Variants in PTPRE observed in about 807,000 individuals in gnomAD.
PTPRE encodes protein tyrosine phosphatase receptor type E, also known as receptor-type tyrosine-protein phosphatase epsilon.
Under a neutral mutation model 102.0 loss-of-function variants are expected in PTPRE, and 51 were observed. That is an observed-to-expected ratio of 0.50 (90% confidence interval 0.40 to 0.63). The LOEUF is 0.63. Among genes scored for constraint, PTPRE ranks in the 30% least tolerant of loss-of-function variants. The pLI is 0.00. For missense variants in PTPRE, 752 were observed against 915.1 expected, an observed-to-expected ratio of 0.82 and a Z score of 2.30; for synonymous variants, 345 against 348.2, an observed-to-expected ratio of 0.99 and a Z score of 0.10.
At chr10:128,026,367 C>T (rs1187657265) in intron 2 of PTPRE, among the ~76,000 whole-genome samples, 1 of 152,252 alleles carries the variant, frequency 6.6e-6, no homozygotes, top group East Asian at 1.9e-4. Flanking sequence ...CAGTATTTAT[C>T]CCTTCCTCCT....
intron 1 of PTPRE, among the ~76,000 whole-genome samples, chr10:127,948,599 T>C (rs547461689): frequency 6.6e-6 from 1 of 152,232 alleles, no homozygotes; most frequent in African/African-American, 2.4e-5. Flanking sequence ...GTGGTTGGAA[T>C]CATATAATAT....
intron 1 of PTPRE, among the ~76,000 whole-genome samples, chr10:127,911,617 A>G (rs1589712183): frequency 6.6e-6 from 1 of 152,134 alleles, no homozygotes; most frequent in African/African-American, 2.4e-5. Flanking sequence ...CAGCTGCTGC[A>G]CTTCCGCCCG....
intron 19 of PTPRE, 64 bp from the exon 20 acceptor site, chr10:128,079,496 G>C: frequency 1.3e-6 from 2 of 1,576,074 alleles, no homozygotes; most frequent in Non-Finnish European, 1.7e-6. Context: ...TTGGCTGTCA[G>C]CTCTCCATTT....
chr10:127,979,533 G>A lies in PTPRE; in HGVS notation c.-30-2741G>A, dbSNP rs78888334. Among the ~76,000 whole-genome samples, 269 of 152,240 alleles carry A rather than the reference G, an allele frequency of 1.8e-3. 4 individuals carry two copies. In the East Asian group the frequency reaches 0.04, roughly 23 times the overall value. The stretch of plus-strand genomic sequence containing the variant: ...ATCTATTTGTAGTACAAAAATTAGC[G>A]GAATGTGGTAGTGCACACCTGTAGT... On this transcript the variant is annotated intron_variant, in intron 1 of 20. Coordinates refer to ENST00000254667, the MANE Select transcript of PTPRE (RefSeq NM_006504.6).
intron 2 of PTPRE, among the ~76,000 whole-genome samples, chr10:128,026,771 G>T (rs992058702): frequency 5.3e-5 from 8 of 152,228 alleles, no homozygotes; most frequent in African/African-American, 1.9e-4. Flanking sequence ...AACAAGCAAA[G>T]CTGTCTCCAA....
intron 19 of PTPRE, among the ~76,000 whole-genome samples, chr10:128,079,080 C>G (rs1590254946): frequency 6.6e-6 from 1 of 152,182 alleles, no homozygotes; most frequent in African/African-American, 2.4e-5. Flanking sequence ...TTGTGAATGT[C>G]CTTAAACTGC....
chr10:128,079,461 T>C, intron 19 of PTPRE, 99 bp from the exon 20 acceptor site: 1 of 1,425,810 alleles, frequency 7.0e-7, no homozygotes. Flanking sequence ...TCAGCGATTG[T>C]TGCTTCAGTG....
chr10:127,997,296 T>G (rs1433407602), intron 2 of PTPRE, among the ~76,000 whole-genome samples: 1 of 152,202 alleles, frequency 6.6e-6, no homozygotes, highest in East Asian at 1.9e-4. Flanking sequence ...ACTCTGAGTT[T>G]GCCCACAAGG....
chr10:128,052,770 G>A (rs1848652162), intron 6 of PTPRE, among the ~76,000 whole-genome samples: 2 of 152,310 alleles, frequency 1.3e-5, no homozygotes, highest in African/African-American at 4.8e-5. Flanking sequence ...TAAAAGTGCA[G>A]AGGGAGGTGT....
chr10:128,000,247 A>G (rs1853730989), intron 2 of PTPRE, among the ~76,000 whole-genome samples: 1 of 152,200 alleles, frequency 6.6e-6, no homozygotes, highest in Non-Finnish European at 1.5e-5. Flanking sequence ...TTAAATTGAT[A>G]CTTAACGTAT....
chr10:127,909,103 C>T (rs1845687764), intron 1 of PTPRE, among the ~76,000 whole-genome samples: 1 of 152,220 alleles, frequency 6.6e-6, no homozygotes. Context: ...GATGCGCTCC[C>T]TGTGTCAGCA....
intron 1 of PTPRE, among the ~76,000 whole-genome samples, chr10:127,950,135 A>G (rs1305391600): frequency 2.0e-5 from 3 of 151,940 alleles, no homozygotes; most frequent in Non-Finnish European, 2.9e-5. Flanking sequence ...GTTACACTCT[A>G]AAAGAACTAC....
chr10:128,075,442 A>C (rs1196246209), intron 17 of PTPRE, among the ~76,000 whole-genome samples: 7 of 144,676 alleles, frequency 4.8e-5, no homozygotes, highest in African/African-American at 1.0e-4. Flanking sequence ...CCCTCCCCTC[A>C]CCCTCCACCC....
chr10:127,962,334 T>G (rs1016773710), intron 1 of PTPRE, among the ~76,000 whole-genome samples: 1 of 152,166 alleles, frequency 6.6e-6, no homozygotes, highest in Non-Finnish European at 1.5e-5. Context: ...GGGGCTCCTT[T>G]CTTGTAACTC....
At chr10:127,911,116 A>G (rs778484123) in intron 1 of PTPRE, among the ~76,000 whole-genome samples, 1 of 152,212 alleles carries the variant, frequency 6.6e-6, no homozygotes, top group African/African-American at 2.4e-5. Context: ...TTGAATGAAT[A>G]CATGAACCAA....
At chr10:128,049,763 C>G (rs532462492) in intron 6 of PTPRE, 97 bp downstream of exon 6, 944 of 1,539,654 alleles carry the variant, frequency 6.1e-4, no homozygotes, top group Non-Finnish European at 7.5e-4. Flanking sequence ...AGACTCAGAA[C>G]CCTTGCATCA....
intron 1 of PTPRE, among the ~76,000 whole-genome samples, chr10:127,955,079 T>G (rs1380234825): frequency 6.6e-6 from 1 of 152,018 alleles, no homozygotes; most frequent in Non-Finnish European, 1.5e-5. Context: ...TACTCCATAG[T>G]GGAGGCAAGG....
chr10:128,065,066 T>C (rs965455510), intron 10 of PTPRE, among the ~76,000 whole-genome samples: 5 of 152,308 alleles, frequency 3.3e-5, no homozygotes, highest in African/African-American at 9.6e-5. Flanking sequence ...TGTAGGCATT[T>C]GCAATTCCCC....
intron 1 of PTPRE, among the ~76,000 whole-genome samples, chr10:127,971,394 G>A (rs909222237): frequency 6.6e-6 from 1 of 152,178 alleles, no homozygotes; most frequent in Non-Finnish European, 1.5e-5. Flanking sequence ...TGTTCTCGAT[G>A]CCTCTGTTTC....
Sources: allele counts gnomAD v4.1 joint callset (sites outside exome capture counted in the v4.1 genomes callset), GRCh38; gene constraint gnomAD v4.1.1; transcripts MANE v1.5; gene names NCBI Gene and HGNC (gene_info 2026-07-23, HGNC 2026-07-21).